NPNT: variants seen among roughly 807,000 people sequenced by gnomAD.
NPNT encodes the protein nephronectin.
Under a neutral mutation model 68.6 loss-of-function variants are expected in NPNT, and 45 were observed. The observed-to-expected ratio is 0.66, with a 90% CI of 0.52 to 0.84. NPNT has a LOEUF of 0.84. NPNT is among the 40% of genes least tolerant of loss of function. The pLI is 0.00. For missense variants in NPNT, 672 were observed against 714.8 expected (o/e 0.94, Z 0.68); for synonymous variants, 233 against 253.3 (o/e 0.92, Z 0.76).
chr4:105,915,510 CTT>C (rs1727737754), intron 2 of NPNT, among the ~76,000 whole-genome samples: 1 of 152,034 alleles, frequency 6.6e-6, no homozygotes, highest in African/African-American at 2.4e-5. Flanking sequence ...TCTAGTAGGA[CTT>C]TTTATGAGGA....
chr4:105,951,691 C>CT (rs756884874), intron 8 of NPNT, among the ~76,000 whole-genome samples: 7 of 152,138 alleles, frequency 4.6e-5, no homozygotes, highest in Non-Finnish European at 7.3e-5. Context: ...TTAGGATCTG[C>CT]TGCTGTGAAT....
chr4:105,940,225 C>A lies in NPNT; in HGVS notation c.640+16C>A, dbSNP rs751802244. ...CAATGTCATGGTAATGAAACCCAAC[C>A]ATTGCTTTGTGTTGTTTCTTCCTAG... is the stretch of plus-strand genomic sequence containing the variant. On this transcript the variant is annotated intron_variant, in intron 6 of 11. Transcript: ENST00000379987. 3 of 1,610,938 alleles carry A rather than the reference C, an allele frequency of 1.9e-6. 1 individual carries two copies. In the South Asian group the frequency reaches 3.3e-5, roughly 18 times the overall value.
chr4:105,958,702 C>A, intron 9 of NPNT, 145 bp downstream of exon 9: 1 of 523,362 alleles, frequency 1.9e-6, no homozygotes, highest in Non-Finnish European at 3.4e-6. Flanking sequence ...GTAGTTAAAT[C>A]AGTTGAGCAA....
intron 2 of NPNT, among the ~76,000 whole-genome samples, chr4:105,898,798 C>T (rs1008928418): frequency 6.6e-6 from 1 of 152,114 alleles, no homozygotes; most frequent in Non-Finnish European, 1.5e-5. Context: ...AGCATTTTAT[C>T]GCGATCTTAA....
intron 2 of NPNT, among the ~76,000 whole-genome samples, chr4:105,914,343 T>C (rs1477623021): frequency 7.2e-6 from 1 of 138,824 alleles, no homozygotes; most frequent in Non-Finnish European, 1.5e-5. Flanking sequence ...TAGCTGGCTC[T>C]CTCTCTCCAT....
chr4:105,916,026 G>A (rs548897029), intron 2 of NPNT, among the ~76,000 whole-genome samples: 4 of 152,094 alleles, frequency 2.6e-5, no homozygotes, highest in South Asian at 4.2e-4. Context: ...CCAGTTTACC[G>A]TTTTGGCAAA....
At position 105,940,159 on chromosome 4, in the gene NPNT, G is replaced by A. The variant is rs144069851; in HGVS notation, c.590G>A (p.Cys197Tyr). The A allele has an allele frequency of 4.4e-5, 71 of 1,613,004 alleles. No homozygotes were observed. The African/African-American group carries it at 8.8e-4, about 20-fold the overall frequency. ...VNTFGSYICK[C>Y]HKGFDLMYIG... ...ACTTTTGGGAGCTACATCTGCAAGTGTCATAAAGGCTTCGATCTCATGTAT... is the reference window on the plus strand; with the variant it reads ...ACTTTTGGGAGCTACATCTGCAAGTATCATAAAGGCTTCGATCTCATGTAT... Residue 197 changes from cysteine to tyrosine, a missense_variant, in exon 6 of 12, where the codon TGT (cysteine) becomes TAT (tyrosine). Physicochemically the swap from Cys to Tyr is radical, Grantham distance 194. Transcript: ENST00000379987.
chr4:105,915,792 A>C (rs1727766261), intron 2 of NPNT, among the ~76,000 whole-genome samples: 1 of 152,178 alleles, frequency 6.6e-6, no homozygotes, highest in South Asian at 2.1e-4. Context: ...GCAGGGTGAG[A>C]TCTGAACAGA....
Position 105,967,403 on chromosome 4 carries a change from A to T in NPNT, c.1561A>T (p.Arg521Trp). ...GGGAAGAAATGGTGGCCATGGCTGG[A>T]GGCAAACACAGATCACCTTGCGAGG... is the stretch of plus-strand genomic sequence containing the variant. ...LWGRNGGHGW[R>W]QTQITLRGAD... The change falls in exon 11 of 12, where the codon AGG becomes TGG. Residue 521 changes from arginine (R) to tryptophan (W), a missense_variant. Transcript: ENST00000379987. The T allele has an allele frequency of 1.9e-6, 3 of 1,603,258 alleles. No individual in the cohort carries two copies. Among genetic ancestry groups the T allele is most frequent in the Non-Finnish European group, 2.6e-6 (3 of 1,175,428 alleles).
At chr4:105,958,831 G>A (rs1413988334) in intron 9 of NPNT, 197 bp from the exon 10 acceptor site, 1 of 563,484 alleles carries the variant, frequency 1.8e-6, no homozygotes, top group Admixed American at 3.2e-5. Context: ...CAACACTTGT[G>A]TGTTCTATTT....
At chr4:105,934,217 G>A (rs962172675) in intron 3 of NPNT, among the ~76,000 whole-genome samples, 2 of 152,022 alleles carry the variant, frequency 1.3e-5, no homozygotes, top group African/African-American at 4.8e-5. Context: ...TTGCTTAATT[G>A]AATGATCTCC....
intron 1 of NPNT, chr4:105,895,929 C>G (rs1725793060): frequency 1.8e-6 from 1 of 561,588 alleles, no homozygotes; most frequent in Non-Finnish European, 3.1e-6. Context: ...CCTTGCGAGT[C>G]TGGGACCCCA....
At chr4:105,926,638 G>C (rs1728703941) in intron 2 of NPNT, among the ~76,000 whole-genome samples, 1 of 152,166 alleles carries the variant, frequency 6.6e-6, no homozygotes, top group South Asian at 2.1e-4. Flanking sequence ...TTTGAGTGAT[G>C]ATTTACAGAA....
intron 2 of NPNT, among the ~76,000 whole-genome samples, chr4:105,901,577 C>T (rs1726419795): frequency 6.6e-6 from 1 of 152,152 alleles, no homozygotes; most frequent in African/African-American, 2.4e-5. Context: ...AGTTCTTTGG[C>T]TGTCATTGAG....
chr4:105,942,772 C>G, intron 8 of NPNT, 70 bp downstream of exon 8: 1 of 1,413,570 alleles, frequency 7.1e-7, no homozygotes, highest in Non-Finnish European at 9.6e-7. Context: ...CAGGCCATGC[C>G]TTGAATAAGA....
intron 8 of NPNT, among the ~76,000 whole-genome samples, chr4:105,946,454 C>T (rs1299650642): frequency 6.6e-5 from 10 of 152,198 alleles, no homozygotes; most frequent in South Asian, 2.1e-4. Flanking sequence ...CAGGGGAACC[C>T]GCCCCCAATA....
At chr4:105,908,656 T>C (rs550143593) in intron 2 of NPNT, among the ~76,000 whole-genome samples, 241 of 151,864 alleles carry the variant, frequency 1.6e-3, no homozygotes, top group African/African-American at 5.5e-3. Flanking sequence ...CTCTGCCTCC[T>C]GGGTTCAAGC....
At chr4:105,935,949 A>G (rs987530887) in intron 3 of NPNT, among the ~76,000 whole-genome samples, 2 of 152,224 alleles carry the variant, frequency 1.3e-5, no homozygotes, top group Non-Finnish European at 2.9e-5. Context: ...ATTCAATGAC[A>G]TGGATTAATA....
chr4:105,958,521 G>A lies in NPNT; in HGVS notation c.1210G>A (p.Gly404Arg), dbSNP rs1560540266. Residue 404 changes from glycine to arginine, a missense_variant, in exon 9 of 12, where the codon GGA becomes AGA. Transcript: ENST00000379987. ...DLFEIFEIER[G>R]VSADDEAKDD... is the part of the protein sequence containing the mutation. ...GTTTGAAATATTTGAAATAGAAAGA[G>A]GAGTCAGTGCAGACGATGAAGCAAA... is the stretch of plus-strand genomic sequence containing the variant. 6.2e-7 allele frequency: 1 copy of A among 1,611,008 alleles called. No homozygotes were observed. Among genetic ancestry groups the A allele is most frequent in the African/African-American group, 1.3e-5 (1 of 74,910 alleles).
Sources: gnomAD v4.1 joint callset for allele counts (sites outside exome capture counted in the v4.1 genomes callset) on GRCh38, gnomAD v4.1.1 for gene constraint, MANE v1.5 for transcripts, NCBI Gene and HGNC (gene_info 2026-07-23, HGNC 2026-07-21) for gene names.